SLC16A10: variants seen among roughly 807,000 people sequenced by gnomAD.
The protein encoded by SLC16A10 is solute carrier family 16 member 10.
Under a neutral mutation model 40.0 loss-of-function variants are expected in SLC16A10, and 27 were observed. That is an observed-to-expected ratio of 0.67 (90% confidence interval 0.50 to 0.93). The LOEUF is 0.93. Ranked by LOEUF, SLC16A10 falls within the 40% of genes least tolerant of loss-of-function variation. SLC16A10 has a pLI of 0.00. For synonymous variants in SLC16A10, 213 were observed against 249.8 expected (o/e 0.85, Z 1.39); for missense variants, 529 against 658.2 (o/e 0.80, Z 2.15).
At chr6:111,129,246 C>T (rs1311338030) in intron 1 of SLC16A10, among the ~76,000 whole-genome samples, 1 of 151,980 alleles carries the variant, frequency 6.6e-6, no homozygotes, top group Non-Finnish European at 1.5e-5. Context: ...GTCAGGCTTC[C>T]AAGAAAGTGG....
At chr6:111,165,659 C>A (rs1164083382) in intron 1 of SLC16A10, among the ~76,000 whole-genome samples, 1 of 152,206 alleles carries the variant, frequency 6.6e-6, no homozygotes, top group Non-Finnish European at 1.5e-5. Context: ...GTTGTGACTT[C>A]ACTGCCTGTG....
intron 1 of SLC16A10, among the ~76,000 whole-genome samples, chr6:111,115,771 G>T (rs1362974719): frequency 1.3e-5 from 2 of 152,086 alleles, no homozygotes; most frequent in Admixed American, 6.5e-5. Flanking sequence ...TTTTAAAATA[G>T]AGCCTTGAAG....
intron 3 of SLC16A10, among the ~76,000 whole-genome samples, chr6:111,203,186 A>T (rs1773200088): frequency 6.6e-6 from 1 of 152,166 alleles, no homozygotes; most frequent in South Asian, 2.1e-4. Context: ...CCAGAGGATG[A>T]CAGATGGGCA....
At chr6:111,154,084 G>T (rs1445702453) in intron 1 of SLC16A10, among the ~76,000 whole-genome samples, 1 of 152,112 alleles carries the variant, frequency 6.6e-6, no homozygotes, top group Admixed American at 6.5e-5. Context: ...TAATATTCAG[G>T]TTAAGAACAG....
chr6:111,145,573 A>T (rs1032821791), intron 1 of SLC16A10, among the ~76,000 whole-genome samples: 1 of 152,126 alleles, frequency 6.6e-6, no homozygotes, highest in African/African-American at 2.4e-5. Flanking sequence ...CACACCATAT[A>T]AAAAAATAAC....
chr6:111,090,836 GT>G (rs1416506378), intron 1 of SLC16A10, among the ~76,000 whole-genome samples: 2 of 152,170 alleles, frequency 1.3e-5, no homozygotes, highest in Non-Finnish European at 2.9e-5. Context: ...ATTTTTCAAA[GT>G]TTTGGTCTAT....
intron 1 of SLC16A10, among the ~76,000 whole-genome samples, chr6:111,135,930 C>G (rs946427282): frequency 3.9e-5 from 6 of 152,198 alleles, no homozygotes; most frequent in Non-Finnish European, 5.9e-5. Context: ...CTAAAATTAT[C>G]CAAAGGCACC....
chr6:111,183,443 G>A (rs1772840351), intron 3 of SLC16A10, among the ~76,000 whole-genome samples: 2 of 152,188 alleles, frequency 1.3e-5, no homozygotes, highest in African/African-American at 4.8e-5. Flanking sequence ...TAGATCCCAA[G>A]CATCTAGCGC....
chr6:111,208,312 G>A (rs535357308), intron 4 of SLC16A10, among the ~76,000 whole-genome samples: 6 of 152,232 alleles, frequency 3.9e-5, no homozygotes, highest in East Asian at 3.9e-4. Flanking sequence ...TCGGCTGTGC[G>A]TGGTGGCTCA....
chr6:111,153,897 C>T (rs547240656), intron 1 of SLC16A10, among the ~76,000 whole-genome samples: 1 of 152,206 alleles, frequency 6.6e-6, no homozygotes, highest in Non-Finnish European at 1.5e-5. Flanking sequence ...AATCTTGGTC[C>T]AGCCACCACC....
intron 1 of SLC16A10, among the ~76,000 whole-genome samples, chr6:111,114,457 C>T (rs2114464434): frequency 6.6e-6 from 1 of 152,228 alleles, no homozygotes; most frequent in South Asian, 2.1e-4. Flanking sequence ...AAAATTGCCA[C>T]TTAAATTGTG....
chr6:111,133,276 G>A (rs563364218), intron 1 of SLC16A10, among the ~76,000 whole-genome samples: 1 of 152,298 alleles, frequency 6.6e-6, no homozygotes, highest in African/African-American at 2.4e-5. Flanking sequence ...ACACACCCTG[G>A]AAAGGAATAA....
chr6:111,191,958 C>T (rs934263507), intron 3 of SLC16A10, among the ~76,000 whole-genome samples: 1 of 152,078 alleles, frequency 6.6e-6, no homozygotes, highest in African/African-American at 2.4e-5. Flanking sequence ...TTCTCCCATT[C>T]TGTAGGTTGC....
rs996432653 is a variant in SLC16A10 at position 111,204,175 on chromosome 6, A to C, written c.943-2417A>C. The stretch of plus-strand genomic sequence containing the variant: ...AAAGGAATGGAACTAAAATACCATG[A>C]GGAATGTGGGCCAAAGGAAACAAGT... On this transcript the variant is annotated intron_variant, in intron 3 of 5. Transcript: ENST00000368851. Among the ~76,000 whole-genome samples the C allele has an allele frequency of 3.9e-5, 6 of 152,148 alleles. No homozygotes were observed. The South Asian group carries it at 1.2e-3, about 32-fold the overall frequency.
At chr6:111,134,646 T>G (rs995251571) in intron 1 of SLC16A10, among the ~76,000 whole-genome samples, 67 of 152,198 alleles carry the variant, frequency 4.4e-4, no homozygotes, top group African/African-American at 1.6e-3. Context: ...GCAAATAGAA[T>G]GCCTAATAGG....
chr6:111,172,851 G>GT lies in SLC16A10; in HGVS notation c.488+18dup. 2.5e-6 allele frequency: 4 copies of GT among 1,608,390 alleles called. No homozygotes were observed. Among genetic ancestry groups the GT allele is most frequent in the Non-Finnish European group, 3.4e-6 (4 of 1,176,848 alleles). On this transcript the variant is annotated intron_variant, in intron 2 of 5. Transcript: ENST00000368851. The stretch of plus-strand genomic sequence containing the variant: ...AGTTCTTTTGTAAGGTAAGGACTTG[G>GT]TTTTTTCATGTTGCTTTTTAAAAAC...
At chr6:111,123,469 C>G (rs756249665) in intron 1 of SLC16A10, among the ~76,000 whole-genome samples, 23 of 152,220 alleles carry the variant, frequency 1.5e-4, no homozygotes, top group Non-Finnish European at 3.1e-4. Context: ...GACTGTGGCT[C>G]CCTCTAGACA....
At chr6:111,124,821 A>G (rs116929427) in intron 1 of SLC16A10, among the ~76,000 whole-genome samples, 2,004 of 152,338 alleles carry the variant, frequency 0.013, 20 homozygotes, top group Admixed American at 0.02. Flanking sequence ...TATAGGAAAA[A>G]TAAATGTTTA....
chr6:111,141,789 A>G (rs1293928370), intron 1 of SLC16A10, among the ~76,000 whole-genome samples: 1 of 152,258 alleles, frequency 6.6e-6, no homozygotes, highest in Non-Finnish European at 1.5e-5. Context: ...GCTCTGATGA[A>G]AGAAATAAAA....
Sources: allele counts gnomAD v4.1 joint callset (sites outside exome capture counted in the v4.1 genomes callset), GRCh38; gene constraint gnomAD v4.1.1; transcripts MANE v1.5; gene names NCBI Gene and HGNC (gene_info 2026-07-23, HGNC 2026-07-21).